The following EXOC4 variants were observed in gnomAD, a reference collection of about 807,000 sequenced individuals.
EXOC4 encodes the protein exocyst complex component 4.
In EXOC4, 71 loss-of-function variants were observed where a neutral mutation model predicts 107.2. The observed-to-expected ratio is 0.66, with a 90% confidence interval of 0.55 to 0.81. The LOEUF (loss-of-function observed/expected upper bound fraction) is 0.81. Ranked by LOEUF, EXOC4 falls within the 30% of genes least tolerant of loss-of-function variation. The pLI is 0.00. For missense variants in EXOC4, 1,108 were observed against 1,189.6 expected, an observed-to-expected ratio of 0.93 and a Z score of 1.01; for synonymous variants, 456 against 441.2, an observed-to-expected ratio of 1.03 and a Z score of -0.42.
At chr7:133,563,538 G>A (rs1390197418) in intron 9 of EXOC4, among the ~76,000 whole-genome samples, 1 of 152,128 alleles carries the variant, frequency 6.6e-6, no homozygotes, top group Admixed American at 6.5e-5. Context: ...CCAAAGACAA[G>A]GATGCTTATC....
intron 10 of EXOC4, among the ~76,000 whole-genome samples, chr7:133,700,148 A>G (rs564472805): frequency 1.1e-4 from 16 of 152,330 alleles, no homozygotes; most frequent in East Asian, 1.9e-4. Flanking sequence ...GGAAAAAACT[A>G]TTAAGTAAAA....
chr7:134,033,036 C>G (rs2116485071), intron 17 of EXOC4, among the ~76,000 whole-genome samples: 1 of 152,014 alleles, frequency 6.6e-6, no homozygotes, highest in Non-Finnish European at 1.5e-5. Context: ...GGAGGATTTA[C>G]CAATAAATAA....
chr7:133,323,388 C>G (rs1298492184), intron 5 of EXOC4, among the ~76,000 whole-genome samples: 2 of 152,142 alleles, frequency 1.3e-5, no homozygotes, highest in African/African-American at 4.8e-5. Flanking sequence ...TATGTTCCAT[C>G]AATACCTAGT....
intron 9 of EXOC4, among the ~76,000 whole-genome samples, chr7:133,579,686 CTT>C (rs11368284): frequency 5.1e-4 from 71 of 139,786 alleles, no homozygotes; most frequent in Admixed American, 1.1e-3. Flanking sequence ...CACAACTTTA[CTT>C]TTTTTTTTTT....
chr7:133,257,365 C>G (rs1028611005), intron 1 of EXOC4, among the ~76,000 whole-genome samples: 1 of 127,370 alleles, frequency 7.9e-6, no homozygotes, highest in African/African-American at 3.9e-5. Flanking sequence ...TTTACACACA[C>G]GCACACACAC....
intron 17 of EXOC4, among the ~76,000 whole-genome samples, chr7:134,036,997 A>G (rs557969861): frequency 6.6e-6 from 1 of 152,318 alleles, no homozygotes; most frequent in Non-Finnish European, 1.5e-5. Context: ...TTATTTATTC[A>G]TTCTTATTCT....
chr7:134,052,264 T>C (rs1795814782), intron 17 of EXOC4, among the ~76,000 whole-genome samples: 1 of 152,136 alleles, frequency 6.6e-6, no homozygotes, highest in Admixed American at 6.5e-5. Flanking sequence ...TCTTGATTTG[T>C]TTTTCCAAAA....
chr7:133,898,770 G>A lies in EXOC4; in HGVS notation c.1871+3035G>A, dbSNP rs1425879677. On this transcript the variant is annotated intron_variant, in intron 12 of 17. Coordinates refer to ENST00000253861, the MANE Select transcript of EXOC4 (RefSeq NM_021807.4). Reference sequence around the variant, plus strand: ...CAAAAAAAAAAAAAAAAAAAAAAAAGAGTTCGAGACCAGCCTGGCCAACAT... The same window carrying A: ...CAAAAAAAAAAAAAAAAAAAAAAAAAAGTTCGAGACCAGCCTGGCCAACAT... Among the ~76,000 whole-genome samples the A allele has an allele frequency of 5.3e-5, 6 of 113,268 alleles. No homozygotes were observed. In the South Asian group the frequency reaches 1.2e-3, roughly 23 times the overall value. The allele number at this position is 113,268 out of a possible 152,430, so 74.3% of individuals were successfully genotyped here. A position where few individuals can be genotyped will look rare whatever the true frequency, so the allele number is the denominator to read the frequency against.
At chr7:133,980,936 A>G (rs1009828272) in intron 14 of EXOC4, among the ~76,000 whole-genome samples, 5 of 152,176 alleles carry the variant, frequency 3.3e-5, no homozygotes, top group African/African-American at 1.2e-4. Context: ...TGTGTATCAC[A>G]CCACCTCATC....
intron 3 of EXOC4, among the ~76,000 whole-genome samples, chr7:133,298,365 T>C (rs1794565968): frequency 6.6e-6 from 1 of 152,164 alleles, no homozygotes; most frequent in Non-Finnish European, 1.5e-5. Flanking sequence ...GAGACCTCCT[T>C]TGCCAACTCT....
chr7:133,613,614 A>AG lies in EXOC4; in HGVS notation c.1418-16431_1418-16430insG, dbSNP rs545557220. Among the ~76,000 whole-genome samples the AG allele has an allele frequency of 2.3e-3, 351 of 152,230 alleles. 2 individuals are homozygous for AG. The highest frequency in any genetic ancestry group is 7.9e-3 in the African/African-American group (330 of 41,538). ...AAAGTCATGACATTACAAAAAAAAAAAAGATGCTGAATTGCTTGATAGGTA... is the reference window on the plus strand; with the variant it reads ...AAAGTCATGACATTACAAAAAAAAAAGAAGATGCTGAATTGCTTGATAGGTA... On this transcript the variant is annotated intron_variant, in intron 9 of 17. Coordinates refer to ENST00000253861, the MANE Select transcript of EXOC4 (RefSeq NM_021807.4).
intron 7 of EXOC4, among the ~76,000 whole-genome samples, chr7:133,418,843 A>G (rs1584901677): frequency 6.6e-6 from 1 of 152,324 alleles, no homozygotes; most frequent in East Asian, 1.9e-4. Context: ...GCGAACTTCT[A>G]TGTAGAATAT....
intron 9 of EXOC4, among the ~76,000 whole-genome samples, chr7:133,524,896 C>G (rs1350180517): frequency 2.6e-5 from 4 of 152,138 alleles, no homozygotes; most frequent in African/African-American, 9.7e-5. Context: ...GGCTTATAAA[C>G]TACTATTTCA....
chr7:133,997,605 T>C lies in EXOC4; in HGVS notation c.2320T>C (p.Cys774Arg), dbSNP rs764386579. The change falls in exon 15 of 18, where the codon TGC becomes CGC. Residue 774 changes from cysteine to arginine, a missense_variant. By Grantham distance (180) the Cys-to-Arg change is radical. Transcript: ENST00000253861. ...ATCGTTCCAGGATATGGCTGACCGCTGCTTGCTTGTCTTACATCTGGAAGT... is the reference window on the plus strand; with the variant it reads ...ATCGTTCCAGGATATGGCTGACCGCCGCTTGCTTGTCTTACATCTGGAAGT... ...AKSFQDMADRCLLVLHLEVRV... is the reference protein window; with the variant it reads ...AKSFQDMADRRLLVLHLEVRV... The C allele has an allele frequency of 5.6e-6, 9 of 1,613,408 alleles. No homozygotes were observed. The highest frequency in any genetic ancestry group is 5.5e-5 in the South Asian group (5 of 91,042).
intron 9 of EXOC4, among the ~76,000 whole-genome samples, chr7:133,568,400 A>G (rs138268127): frequency 9.2e-5 from 14 of 152,242 alleles, no homozygotes; most frequent in African/African-American, 3.4e-4. Flanking sequence ...TGGATTCTAC[A>G]TTTGTGACAC....
intron 9 of EXOC4, among the ~76,000 whole-genome samples, chr7:133,606,188 C>A (rs1026628553): frequency 6.6e-6 from 1 of 152,080 alleles, no homozygotes; most frequent in African/African-American, 2.4e-5. Context: ...GCTCCTAATC[C>A]CCTACAAGTC....
At chr7:133,975,346 A>G (rs1162536081) in intron 14 of EXOC4, among the ~76,000 whole-genome samples, 2 of 152,284 alleles carry the variant, frequency 1.3e-5, no homozygotes, top group Middle Eastern at 3.4e-3. Context: ...AGAATACTAG[A>G]TAAGTTCTTA....
At chr7:134,046,971 A>G (rs150685510) in intron 17 of EXOC4, among the ~76,000 whole-genome samples, 572 of 152,300 alleles carry the variant, frequency 3.8e-3, no homozygotes, top group South Asian at 0.015. Context: ...GCCCCTGCAC[A>G]CTGGATGCTG....
chr7:133,986,329 C>T (rs1399280530), intron 14 of EXOC4, among the ~76,000 whole-genome samples: 1 of 152,108 alleles, frequency 6.6e-6, no homozygotes, highest in African/African-American at 2.4e-5. Context: ...AGATAAGGCC[C>T]ATCCTTATGT....
Sources: gnomAD v4.1 joint callset for allele counts (sites outside exome capture counted in the v4.1 genomes callset) on GRCh38, gnomAD v4.1.1 for gene constraint, MANE v1.5 for transcripts, NCBI Gene and HGNC (gene_info 2026-07-23, HGNC 2026-07-21) for gene names.